Variants in PPP1R3A observed in about 807,000 individuals in gnomAD.
The protein encoded by PPP1R3A is RG1.
Under a neutral mutation model 41.7 loss-of-function variants are expected in PPP1R3A, and 29 were observed. The observed-to-expected ratio is 0.70, with a 90% CI of 0.52 to 0.95. The LOEUF is 0.95. Ranked by LOEUF, PPP1R3A falls within the 40% of genes least tolerant of loss-of-function variation. The probability of loss-of-function intolerance (pLI) is 0.00; values close to 1 mark genes in which losing one functional copy is unlikely to be tolerated. For synonymous variants in PPP1R3A, 485 were observed against 453.4 expected (o/e 1.07, Z -0.89); for missense variants, 1,352 against 1,292.4 (o/e 1.05, Z -0.71).
rs145814266 is a variant in PPP1R3A, at chr7:113,879,774, C to T, written c.1318G>A (p.Asp440Asn). The T allele has an allele frequency of 5.6e-6, 9 of 1,613,254 alleles. No individual in the cohort carries two copies. The highest frequency in any genetic ancestry group is 1.6e-4 in the Middle Eastern group (1 of 6,080). ...TTGCCATGGGCTGGATTAGCATTATCATCCAGGACTTCTTTGCTGCCAGTA... is the reference window on the plus strand; with the variant it reads ...TTGCCATGGGCTGGATTAGCATTATTATCCAGGACTTCTTTGCTGCCAGTA... ...LHTGSKEVLD[D>N]NANPAHGNGT... is the part of the protein sequence containing the mutation. The change falls in exon 4 of 4, where the codon GAT becomes AAT. Residue 440 changes from aspartate to asparagine, a missense_variant. Transcript: ENST00000284601.
chr7:113,890,086 A>C (rs1796853500), intron 1 of PPP1R3A, among the ~76,000 whole-genome samples: 1 of 152,082 alleles, frequency 6.6e-6, no homozygotes, highest in Admixed American at 6.6e-5. Flanking sequence ...TCAGTAAAAA[A>C]AAAAAGAATT....
At chr7:113,897,198 T>A (rs1796990984) in intron 1 of PPP1R3A, among the ~76,000 whole-genome samples, 2 of 151,838 alleles carry the variant, frequency 1.3e-5, no homozygotes, top group Admixed American at 6.6e-5. Flanking sequence ...ACTCCATATA[T>A]CCTAAGCACT....
Position 113,879,841 on chromosome 7 carries a change from T to C in PPP1R3A, c.1251A>G (p.Pro417=), listed in dbSNP as rs1299028539. 1 of 1,613,578 alleles carries C rather than the reference T, an allele frequency of 6.2e-7. No homozygotes were observed. The highest frequency in any genetic ancestry group is 8.5e-7 in the Non-Finnish European group (1 of 1,179,698). ...ETTSNMGEIK[P]SLGDTSSDEL... is the part of the protein sequence containing the mutation. Reference sequence around the variant, plus strand: ...CATCACTACTAGTATCTCCCAATGATGGCTTGATTTCTCCCATATTTGAAG... The same window carrying C: ...CATCACTACTAGTATCTCCCAATGACGGCTTGATTTCTCCCATATTTGAAG... The change falls in exon 4 of 4, where the codon CCA becomes CCG. Residue 417 remains proline (P), a synonymous_variant. Coordinates refer to ENST00000284601, the MANE Select transcript of PPP1R3A (RefSeq NM_002711.4).
Position 113,918,963 on chromosome 7 carries a change from T to C in PPP1R3A, c.34A>G (p.Lys12Glu), listed in dbSNP as rs773759557. 15 of 1,612,902 alleles carry C rather than the reference T, an allele frequency of 9.3e-6. No individual in the cohort carries two copies. Among genetic ancestry groups the C allele is most frequent in the Non-Finnish European group, 1.3e-5 (15 of 1,179,260 alleles). ...EPSEVPSQIS[K>E]DNFLEVPNLS... ...TTAGGAACTTCTAAAAAATTATCTTTGCTAATCTGACTAGGTACTTCAGAA... is the reference window on the plus strand; with the variant it reads ...TTAGGAACTTCTAAAAAATTATCTTCGCTAATCTGACTAGGTACTTCAGAA... The change falls in exon 1 of 4, where the codon AAA becomes GAA. Residue 12 changes from lysine (K) to glutamate (E), a missense_variant. By Grantham distance (56) the Lys-to-Glu change is moderately conservative. Transcript: ENST00000284601.
At chr7:113,891,011 A>T (rs938979140) in intron 1 of PPP1R3A, among the ~76,000 whole-genome samples, 1 of 150,220 alleles carries the variant, frequency 6.7e-6, no homozygotes, top group African/African-American at 2.5e-5. Context: ...GCAAATCCAT[A>T]ACTAGCTCCA....
intron 1 of PPP1R3A, among the ~76,000 whole-genome samples, chr7:113,915,862 T>C (rs1175139155): frequency 1.3e-5 from 2 of 151,958 alleles, no homozygotes; most frequent in Non-Finnish European, 2.9e-5. Flanking sequence ...CTAACCAAAC[T>C]CTTCACAATA....
intron 1 of PPP1R3A, among the ~76,000 whole-genome samples, chr7:113,910,354 T>G (rs770721320): frequency 1.1e-4 from 16 of 151,980 alleles, no homozygotes; most frequent in Non-Finnish European, 1.9e-4. Context: ...TACAAAAGGA[T>G]TCAACAAAAA....
At chr7:113,887,733 T>TA (rs1164228089) in intron 1 of PPP1R3A, among the ~76,000 whole-genome samples, 1 of 151,916 alleles carries the variant, frequency 6.6e-6, no homozygotes. Flanking sequence ...AAGACAAGAC[T>TA]AAAAAAGCAC....
intron 1 of PPP1R3A, among the ~76,000 whole-genome samples, chr7:113,901,033 T>G (rs995194816): frequency 6.6e-6 from 1 of 151,572 alleles, no homozygotes; most frequent in Non-Finnish European, 1.5e-5. Context: ...AACTGGGTAC[T>G]TCAGTGGGAA....
chr7:113,881,952 T>A (rs777341383), intron 3 of PPP1R3A, 87 bp downstream of exon 3: 14 of 1,489,720 alleles, frequency 9.4e-6, no homozygotes, highest in Non-Finnish European at 1.3e-5. Context: ...TTATATTAGT[T>A]GAAGCTATTG....
chr7:113,893,535 T>C (rs1796927609), intron 1 of PPP1R3A, among the ~76,000 whole-genome samples: 1 of 152,012 alleles, frequency 6.6e-6, no homozygotes, highest in African/African-American at 2.4e-5. Flanking sequence ...CCAGTATCTA[T>C]AATTGATTAA....
chr7:113,878,258 G>A lies in PPP1R3A; in HGVS notation c.2834C>T (p.Pro945Leu). 1 of 1,613,082 alleles carries A rather than the reference G, an allele frequency of 6.2e-7. No homozygotes were observed. ...AATATTTTCTGATTTCGTAGAAATA[G>A]GTTGGCTAGCCATGGTAGTAACTGC... is the stretch of plus-strand genomic sequence containing the variant. ...ENAVTTMASQ[P>L]ISTKSENICN... Residue 945 changes from proline (P) to leucine (L), a missense_variant, in exon 4 of 4, where the codon CCT (proline) becomes CTT (leucine). Transcript: ENST00000284601.
chr7:113,904,639 A>C (rs1043453364), intron 1 of PPP1R3A, among the ~76,000 whole-genome samples: 1 of 151,696 alleles, frequency 6.6e-6, no homozygotes, highest in Non-Finnish European at 1.5e-5. Flanking sequence ...TTGGTCCAAA[A>C]TCATCATAAG....
chr7:113,884,010 C>T (rs1796739618), intron 1 of PPP1R3A, among the ~76,000 whole-genome samples: 1 of 151,732 alleles, frequency 6.6e-6, no homozygotes, highest in African/African-American at 2.4e-5. Flanking sequence ...ACTTCAAATT[C>T]AGGGACAAGT....
Position 113,878,606 on chromosome 7 carries a change from C to T in PPP1R3A, c.2486G>A (p.Arg829Lys). ...KEETMSMYNP[R>K]KTHDREKCGT... ...ACATTTCTCCCTGTCATGTGTCTTC[C>T]TAGGATTGTACATAGACATGGTTTC... is the stretch of plus-strand genomic sequence containing the variant. Residue 829 changes from arginine (R) to lysine (K), a missense_variant, in exon 4 of 4, where the codon AGG becomes AAG. Coordinates refer to ENST00000284601, the MANE Select transcript of PPP1R3A (RefSeq NM_002711.4). 6.2e-7 allele frequency: 1 copy of T among 1,613,416 alleles called. No homozygotes were observed. Among genetic ancestry groups the T allele is most frequent in the Non-Finnish European group, 8.5e-7 (1 of 1,179,610 alleles).
At chr7:113,913,650 C>T (rs1045349868) in intron 1 of PPP1R3A, among the ~76,000 whole-genome samples, 2 of 151,938 alleles carry the variant, frequency 1.3e-5, no homozygotes, top group African/African-American at 2.4e-5. Context: ...TGAACTCAAC[C>T]GGTGTACCCA....
rs1796639446 is a variant in PPP1R3A at position 113,879,353 on chromosome 7, T to A, written c.1739A>T (p.Asp580Val). The A allele has an allele frequency of 6.2e-7, 1 of 1,613,532 alleles. No homozygotes were observed. The highest frequency in any genetic ancestry group is 1.3e-5 in the African/African-American group (1 of 74,876). The stretch of plus-strand genomic sequence containing the variant: ...ATTTGTCCTTGGTGAATGAGACACA[T>A]CTGCTGTGATTGCCCGGGTGGGGAT... The part of the protein sequence containing the change: ...TAIPTRAITA[D>V]VSHSPRTNLS... Residue 580 changes from aspartate (D) to valine (V), a missense_variant, in exon 4 of 4, where the codon GAT (aspartate) becomes GTT (valine). Transcript: ENST00000284601.
Position 113,879,707 on chromosome 7 carries a change from A to G in PPP1R3A, c.1385T>C (p.Met462Thr), listed in dbSNP as rs760718320. Reference protein sequence around the residue: ...QIPCPSSDQLMAGNLNKKHEG... With the variant: ...QIPCPSSDQLTAGNLNKKHEG... ...ATGTTTTTTATTAAGGTTTCCTGCC[A>G]TTAGTTGATCTGAAGAGGGGCAAGG... Residue 462 changes from methionine to threonine, a missense_variant, in exon 4 of 4, where the codon ATG (methionine) becomes ACG (threonine). Coordinates refer to ENST00000284601, the MANE Select transcript of PPP1R3A (RefSeq NM_002711.4). 1.2e-6 allele frequency: 2 copies of G among 1,613,076 alleles called. No individual in the cohort carries two copies. The highest frequency in any genetic ancestry group is 1.6e-4 in the Middle Eastern group (1 of 6,076).
At chr7:113,881,567 A>G (rs76338459) in intron 3 of PPP1R3A, among the ~76,000 whole-genome samples, 1 of 152,038 alleles carries the variant, frequency 6.6e-6, no homozygotes, top group African/African-American at 2.4e-5. Flanking sequence ...TGGTAATTTA[A>G]TACTCTACAA....
Sources: allele counts gnomAD v4.1 joint callset (sites outside exome capture counted in the v4.1 genomes callset), GRCh38; gene constraint gnomAD v4.1.1; transcripts MANE v1.5; gene names NCBI Gene and HGNC (gene_info 2026-07-23, HGNC 2026-07-21).